RAB28: variants seen among roughly 807,000 people sequenced by gnomAD.
RAB28 encodes RAB28, member RAS oncogene family.
RAB28 carries 24 observed loss-of-function variants against 31.7 expected under a neutral mutation model. The observed-to-expected ratio is 0.76, with a 90% CI of 0.55 to 1.06. RAB28 has a LOEUF of 1.06. Among genes scored for constraint, RAB28 ranks in the 50% least tolerant of loss-of-function variants. The pLI is 0.00. For missense variants in RAB28, 254 were observed against 258.5 expected, an observed-to-expected ratio of 0.98 and a Z score of 0.12; for synonymous variants, 100 against 90.4, an observed-to-expected ratio of 1.11 and a Z score of -0.60.
chr4:13,390,512 A>G (rs1729579226), intron 4 of RAB28, among the ~76,000 whole-genome samples: 1 of 152,098 alleles, frequency 6.6e-6, no homozygotes, highest in African/African-American at 2.4e-5. Flanking sequence ...TATAGATTCA[A>G]TGCCATCCCC....
intron 4 of RAB28, among the ~76,000 whole-genome samples, chr4:13,442,944 T>C (rs576866436): frequency 6.6e-6 from 1 of 152,342 alleles, no homozygotes; most frequent in East Asian, 1.9e-4. Context: ...CCTTAACCAC[T>C]ATCCACAGTC....
chr4:13,383,721 A>ATTT (rs1577157688), intron 4 of RAB28, among the ~76,000 whole-genome samples: 1 of 152,144 alleles, frequency 6.6e-6, no homozygotes, highest in East Asian at 1.9e-4. Context: ...GATAGTAAAT[A>ATTT]AGTTCTCATG....
Position 13,368,450 on chromosome 4 carries a change from TTAACTGAACTACAGAGATG to T in RAB28, c.*89_*107del. ...GATGAAGCAAGTTGGGAGTAAAGTG[TTAACTGAACTACAGAGATG>T]GTCACTGATAAAACAAGTTCCTAGA... On this transcript the variant is annotated 3_prime_UTR_variant, in exon 7 of 7. Transcript: ENST00000330852. 1 of 1,358,316 alleles carries T rather than the reference TTAACTGAACTACAGAGATG, an allele frequency of 7.4e-7. No individual in the cohort carries two copies. The highest frequency in any genetic ancestry group is 9.5e-7 in the Non-Finnish European group (1 of 1,052,450). The allele number at this position is 1,358,316 out of a possible 1,614,324, so 84.1% of individuals were successfully genotyped here.
chr4:13,471,108 C>T (rs995537489), intron 3 of RAB28, among the ~76,000 whole-genome samples: 1 of 152,016 alleles, frequency 6.6e-6, no homozygotes, highest in Admixed American at 6.6e-5. Context: ...CTAAATAACA[C>T]ATTAAACTGA....
intron 4 of RAB28, among the ~76,000 whole-genome samples, chr4:13,393,475 A>G (rs1285615381): frequency 1.3e-5 from 2 of 152,308 alleles, no homozygotes; most frequent in Admixed American, 6.5e-5. Context: ...AGAAAAATAT[A>G]TATATAAGCA....
intron 4 of RAB28, among the ~76,000 whole-genome samples, chr4:13,425,081 C>T (rs1713400132): frequency 6.6e-6 from 1 of 152,130 alleles, no homozygotes; most frequent in African/African-American, 2.4e-5. Context: ...CTAAATCCAG[C>T]AGTAAATTAT....
intron 4 of RAB28, among the ~76,000 whole-genome samples, chr4:13,385,022 A>G (rs1365734183): frequency 6.6e-6 from 1 of 152,246 alleles, no homozygotes; most frequent in Non-Finnish European, 1.5e-5. Flanking sequence ...CTGACCTGAT[A>G]GAGCTGAAAA....
At chr4:13,436,775 C>G (rs377090815) in intron 4 of RAB28, among the ~76,000 whole-genome samples, 1 of 151,870 alleles carries the variant, frequency 6.6e-6, no homozygotes, top group Non-Finnish European at 1.5e-5. Flanking sequence ...AATGACCACA[C>G]GACCATACTA....
intron 4 of RAB28, among the ~76,000 whole-genome samples, chr4:13,415,427 C>T (rs917504692): frequency 2.0e-5 from 3 of 152,224 alleles, no homozygotes; most frequent in Admixed American, 1.3e-4. Context: ...ACCGGGGCTG[C>T]GCGGTGCTTG....
At chr4:13,447,221 A>G (rs986676013) in intron 4 of RAB28, among the ~76,000 whole-genome samples, 2 of 152,122 alleles carry the variant, frequency 1.3e-5, no homozygotes, top group African/African-American at 4.8e-5. Flanking sequence ...TCAAAACAAG[A>G]GCCATAGTGA....
intron 4 of RAB28, among the ~76,000 whole-genome samples, chr4:13,412,172 T>C (rs141049476): frequency 6.6e-5 from 10 of 152,264 alleles, no homozygotes; most frequent in Non-Finnish European, 1.2e-4. Flanking sequence ...AGGATGACTA[T>C]GGTTAAGAGC....
rs1577141697 is a variant in RAB28, at chr4:13,367,778, T to C, written c.*780A>G. On this transcript the variant is annotated 3_prime_UTR_variant, in exon 7 of 7. Transcript: ENST00000330852. The stretch of plus-strand genomic sequence containing the variant: ...AAACATCTGAACATCAGGTACAGTC[T>C]GATCCACAATGTCATAACTCATTCT... 1 of 985,088 alleles carries C rather than the reference T, an allele frequency of 1.0e-6. No homozygotes were observed. Among genetic ancestry groups the C allele is most frequent in the African/African-American group, 1.7e-5 (1 of 57,232 alleles). 61.0% of individuals were successfully genotyped at this position (985,088 alleles called of 1,614,324 possible).
chr4:13,447,956 T>C (rs1298418093), intron 4 of RAB28, among the ~76,000 whole-genome samples: 1 of 152,146 alleles, frequency 6.6e-6, no homozygotes, highest in Non-Finnish European at 1.5e-5. Context: ...ATAGTTTGGG[T>C]CATCAAATTT....
chr4:13,392,129 C>T (rs1433092001), intron 4 of RAB28, among the ~76,000 whole-genome samples: 2 of 152,136 alleles, frequency 1.3e-5, no homozygotes, highest in South Asian at 4.2e-4. Flanking sequence ...CACTTTTATC[C>T]TCCATTTGGC....
chr4:13,410,507 A>G (rs1298460510), intron 4 of RAB28, among the ~76,000 whole-genome samples: 1 of 152,164 alleles, frequency 6.6e-6, no homozygotes, highest in Non-Finnish European at 1.5e-5. Context: ...TAACTTAGAA[A>G]GTTTGCTTTC....
rs565458250 is a variant in RAB28, at chr4:13,373,164, C to T, written c.573+3381G>A. ...ACAAGACAGGACTGAAAGGACTATG[C>T]TTTTTCTTTATCAATTATCTAATGC... On this transcript the variant is annotated intron_variant, in intron 6 of 6. Coordinates refer to ENST00000330852, the MANE Select transcript of RAB28 (RefSeq NM_001017979.3). 1.1e-4 allele frequency among the ~76,000 whole-genome samples: 16 copies of T among 152,172 alleles called. No homozygotes were observed. The South Asian group carries it at 1.9e-3, about 18-fold the overall frequency.
intron 4 of RAB28, among the ~76,000 whole-genome samples, chr4:13,385,866 C>G (rs1429408031): frequency 6.6e-6 from 1 of 152,066 alleles, no homozygotes; most frequent in East Asian, 1.9e-4. Context: ...AAAATCAACT[C>G]AAAATGGAGT....
At chr4:13,421,098 A>T (rs866950009) in intron 4 of RAB28, among the ~76,000 whole-genome samples, 1 of 152,142 alleles carries the variant, frequency 6.6e-6, no homozygotes, top group South Asian at 2.1e-4. Flanking sequence ...ACAAGCATTC[A>T]TATACACAAA....
chr4:13,371,106 A>T, intron 6 of RAB28: 1 of 985,344 alleles, frequency 1.0e-6, no homozygotes, highest in Non-Finnish European at 1.2e-6. Context: ...TTATAAATAA[A>T]GATCCTATAA....
Sources: allele counts gnomAD v4.1 joint callset (sites outside exome capture counted in the v4.1 genomes callset), GRCh38; gene constraint gnomAD v4.1.1; transcripts MANE v1.5; gene names NCBI Gene and HGNC (gene_info 2026-07-23, HGNC 2026-07-21).